FHIT: variants seen among roughly 807,000 people sequenced by gnomAD.
FHIT encodes the protein fragile histidine triad diadenosine triphosphatase, also known as bis(5'-adenosyl)-triphosphatase.
FHIT carries 19 observed loss-of-function variants against 17.9 expected under a neutral mutation model. The observed-to-expected ratio is 1.06, with a 90% CI of 0.74 to 1.56. FHIT has a LOEUF of 1.56. FHIT is among the 40% of genes most tolerant of loss of function. The pLI is 0.00. For synonymous variants in FHIT, 81 were observed against 69.7 expected (o/e 1.16, Z -0.81); for missense variants, 248 against 189.2 (o/e 1.31, Z -1.82).
At chr3:60,595,676 G>C (rs1553666128) in intron 4 of FHIT, among the ~76,000 whole-genome samples, 1 of 151,496 alleles carries the variant, frequency 6.6e-6, no homozygotes, top group Non-Finnish European at 1.5e-5. Flanking sequence ...TAAGAGACTA[G>C]GTGTCACTCC....
chr3:59,901,094 G>A (rs1208684557), intron 8 of FHIT, among the ~76,000 whole-genome samples: 1 of 152,158 alleles, frequency 6.6e-6, no homozygotes, highest in Non-Finnish European at 1.5e-5. Flanking sequence ...ATTTAATCCT[G>A]TTTTCCTTCA....
At chr3:60,491,066 G>A (rs2034042929) in intron 5 of FHIT, among the ~76,000 whole-genome samples, 1 of 152,144 alleles carries the variant, frequency 6.6e-6, no homozygotes, top group East Asian at 1.9e-4. Context: ...CCTCCTTGCA[G>A]TACCAAACCC....
intron 5 of FHIT, among the ~76,000 whole-genome samples, chr3:60,503,913 A>G (rs1463909630): frequency 6.6e-6 from 1 of 152,182 alleles, no homozygotes; most frequent in African/African-American, 2.4e-5. Context: ...TAACAGTATT[A>G]AATTCTTGCT....
At position 60,517,101 on chromosome 3, in the gene FHIT, A is replaced by T. The variant is rs566376097; in HGVS notation, c.103+19759T>A. Among the ~76,000 whole-genome samples the T allele has an allele frequency of 1.4e-3, 211 of 152,332 alleles. 1 individual carries two copies. The highest frequency in any genetic ancestry group is 4.7e-3 in the African/African-American group (195 of 41,580). ...CATGTCGAGAAGTTGTTAAGCTGAC[A>T]AATTCCAAGGTATCTCTTAATGACA... On this transcript the variant is annotated intron_variant, in intron 5 of 9. Transcript: ENST00000492590.
chr3:60,441,798 A>ATG (rs1559916451), intron 5 of FHIT, among the ~76,000 whole-genome samples: 3 of 65,580 alleles, frequency 4.6e-5, no homozygotes, highest in African/African-American at 1.3e-4. Flanking sequence ...ATATATATAT[A>ATG]TATATATATA....
chr3:60,118,732 G>GGCATGGTGACTCAT (rs138027363), intron 5 of FHIT, among the ~76,000 whole-genome samples: 17 of 138,924 alleles, frequency 1.2e-4, no homozygotes, highest in Non-Finnish European at 2.3e-4. Context: ...TCAGGGTCCG[G>GGCATGGTGACTCAT]GCCTGTAATC....
chr3:59,955,354 C>A (rs1013776565), intron 7 of FHIT, among the ~76,000 whole-genome samples: 1 of 152,220 alleles, frequency 6.6e-6, no homozygotes, highest in Non-Finnish European at 1.5e-5. Context: ...GTTCCTCGGT[C>A]TCCATTGCCA....
chr3:60,220,871 C>T (rs1703929758), intron 5 of FHIT, among the ~76,000 whole-genome samples: 1 of 152,186 alleles, frequency 6.6e-6, no homozygotes, highest in African/African-American at 2.4e-5. Context: ...CCATTTCCAT[C>T]TAGCTGCATC....
At chr3:59,773,871 G>A (rs975456584) in intron 8 of FHIT, among the ~76,000 whole-genome samples, 2 of 152,168 alleles carry the variant, frequency 1.3e-5, no homozygotes, top group Non-Finnish European at 2.9e-5. Flanking sequence ...TCTGAACTGA[G>A]AGGTATTGCA....
Position 60,992,477 on chromosome 3 carries a change from A to G in FHIT, c.-111+49570T>C, listed in dbSNP as rs115137693. On this transcript the variant is annotated intron_variant, in intron 3 of 9. Transcript: ENST00000492590. Reference sequence around the variant, plus strand: ...ACAAATGGTGACTGCTCTCTTCAGGAAAACGATGACCTCAGGACTACTTAG... The same window carrying G: ...ACAAATGGTGACTGCTCTCTTCAGGGAAACGATGACCTCAGGACTACTTAG... Among the ~76,000 whole-genome samples, 588 of 152,354 alleles carry G rather than the reference A, an allele frequency of 3.9e-3. 6 individuals carry two copies. Among genetic ancestry groups the G allele is most frequent in the African/African-American group, 0.014 (572 of 41,572 alleles).
intron 3 of FHIT, 122 bp from the exon 4 acceptor site, chr3:60,822,133 G>A (rs1701951537): frequency 6.6e-6 from 1 of 152,188 alleles, no homozygotes; most frequent in African/African-American, 2.4e-5. Context: ...ATTGTTAAAA[G>A]GGCAGAATGA....
chr3:59,951,431 G>A (rs1707111263), intron 7 of FHIT, among the ~76,000 whole-genome samples: 1 of 152,154 alleles, frequency 6.6e-6, no homozygotes, highest in Non-Finnish European at 1.5e-5. Flanking sequence ...ATAAGTTGGA[G>A]GTAAAATGGG....
chr3:60,166,828 A>AATAGAT (rs1701197499), intron 5 of FHIT, among the ~76,000 whole-genome samples: 1 of 152,130 alleles, frequency 6.6e-6, no homozygotes, highest in East Asian at 1.9e-4. Context: ...CCACCTTAAT[A>AATAGAT]CCAAATATTA....
intron 5 of FHIT, among the ~76,000 whole-genome samples, chr3:60,185,360 A>G (rs1161505010): frequency 6.6e-6 from 1 of 152,176 alleles, no homozygotes; most frequent in Non-Finnish European, 1.5e-5. Flanking sequence ...GAAAGTTAAT[A>G]AAGTTGCATC....
chr3:61,128,562 A>G (rs1481518355), intron 2 of FHIT, among the ~76,000 whole-genome samples: 2 of 152,088 alleles, frequency 1.3e-5, no homozygotes, highest in Non-Finnish European at 2.9e-5. Context: ...CACAGGGGTT[A>G]TATGTGGGCC....
At chr3:60,441,795 T>TATTTATATATATAAAATATATATAA (rs2030891181) in intron 5 of FHIT, among the ~76,000 whole-genome samples, 17 of 96,040 alleles carry the variant, frequency 1.8e-4, no homozygotes, top group South Asian at 9.4e-4. Context: ...TATATATATA[T>TATTTATATATATAAAATATATATAA]ATATATATAT....
At chr3:61,111,725 C>A (rs2036164587) in intron 2 of FHIT, among the ~76,000 whole-genome samples, 1 of 152,196 alleles carries the variant, frequency 6.6e-6, no homozygotes, top group Non-Finnish European at 1.5e-5. Context: ...TAATTTAATA[C>A]CAACATGACT....
intron 5 of FHIT, among the ~76,000 whole-genome samples, chr3:60,237,884 C>T (rs1245807137): frequency 6.6e-6 from 1 of 151,932 alleles, no homozygotes; most frequent in East Asian, 1.9e-4. Flanking sequence ...GCCTATAATC[C>T]CAGTACTTTG....
At chr3:60,985,888 A>T (rs1238961205) in intron 3 of FHIT, among the ~76,000 whole-genome samples, 1 of 152,188 alleles carries the variant, frequency 6.6e-6, no homozygotes, top group African/African-American at 2.4e-5. Context: ...GCTCCAGGGT[A>T]GAATCCATTT....
Sources: gnomAD v4.1 joint callset for allele counts (sites outside exome capture counted in the v4.1 genomes callset) on GRCh38, gnomAD v4.1.1 for gene constraint, MANE v1.5 for transcripts, NCBI Gene and HGNC (gene_info 2026-07-23, HGNC 2026-07-21) for gene names.